EVA1C: variants seen among roughly 807,000 people sequenced by gnomAD.
EVA1C encodes the protein protein eva-1 homolog C.
In EVA1C, 25 loss-of-function variants were observed where a neutral mutation model predicts 45.4. That is an observed-to-expected ratio of 0.55 (90% CI 0.40 to 0.77). The LOEUF is 0.77. Among genes scored for constraint, EVA1C ranks in the 30% least tolerant of loss-of-function variants. The pLI, the probability that EVA1C is intolerant of heterozygous loss-of-function variation, is 0.00. For missense variants in EVA1C, 479 were observed against 554.8 expected (o/e 0.86, Z 1.37); for synonymous variants, 190 against 221.2 (o/e 0.86, Z 1.25).
At chr21:32,501,252 G>A (rs1410574582) in intron 5 of EVA1C, among the ~76,000 whole-genome samples, 163 bp from the exon 6 acceptor site, 1 of 152,118 alleles carries the variant, frequency 6.6e-6, no homozygotes, top group Non-Finnish European at 1.5e-5. Flanking sequence ...GATACCATGG[G>A]TTTGTGTGTA....
chr21:32,414,022 G>A (rs2033936672), intron 1 of EVA1C, among the ~76,000 whole-genome samples: 1 of 152,258 alleles, frequency 6.6e-6, no homozygotes, highest in Non-Finnish European at 1.5e-5. Context: ...AGTCCTGTTT[G>A]TGCAGTAGGC....
At chr21:32,476,143 CT>C (rs566574081) in intron 4 of EVA1C, among the ~76,000 whole-genome samples, 65 of 148,928 alleles carry the variant, frequency 4.4e-4, no homozygotes, top group African/African-American at 8.6e-4. Flanking sequence ...GCTTTTGCCT[CT>C]TTTTTTTTTC....
At chr21:32,502,203 A>G (rs1341357444) in intron 6 of EVA1C, among the ~76,000 whole-genome samples, 6 of 151,782 alleles carry the variant, frequency 4.0e-5, no homozygotes, top group Non-Finnish European at 5.9e-5. Flanking sequence ...GGTTCAAGCG[A>G]TTCTCCTGCC....
intron 7 of EVA1C, among the ~76,000 whole-genome samples, chr21:32,505,249 A>G (rs2037688804): frequency 6.6e-6 from 1 of 152,146 alleles, no homozygotes; most frequent in Non-Finnish European, 1.5e-5. Context: ...CTCCTGCGTC[A>G]GGATTCCTCC....
intron 4 of EVA1C, among the ~76,000 whole-genome samples, chr21:32,470,138 T>C (rs1476331517): frequency 6.6e-6 from 1 of 152,198 alleles, no homozygotes; most frequent in Admixed American, 6.5e-5. Flanking sequence ...AATGTATGTG[T>C]GGATCGCAGG....
chr21:32,479,857 T>C (rs539111406), intron 4 of EVA1C, among the ~76,000 whole-genome samples: 24 of 151,860 alleles, frequency 1.6e-4, no homozygotes, highest in South Asian at 6.2e-4. Flanking sequence ...CTTTTTTTTT[T>C]TTCTTCTTCT....
chr21:32,420,366 T>C (rs1186921212), intron 1 of EVA1C, among the ~76,000 whole-genome samples: 1 of 152,086 alleles, frequency 6.6e-6, no homozygotes, highest in Non-Finnish European at 1.5e-5. Context: ...CGAGACCCTG[T>C]CTCAAGAAAA....
At position 32,452,404 on chromosome 21, in the gene EVA1C, AG is replaced by A. The variant is rs2035614728; in HGVS notation, c.161-903del. The A allele has an allele frequency of 6.6e-6, 1 of 152,152 alleles. No homozygotes were observed. Among genetic ancestry groups the A allele is most frequent in the African/African-American group, 2.4e-5 (1 of 41,424 alleles). 9.4% of individuals were successfully genotyped at this position (152,152 alleles called of 1,614,324 possible). ...AGTACCCTGCTGCTCAAACCCCTAG[AG>A]GGGGCATGCAGATGGACAGGTCGTG... On this transcript the variant is annotated intron_variant, in intron 1 of 7. Coordinates refer to ENST00000300255, the MANE Select transcript of EVA1C (RefSeq NM_058187.5). This position sits in a 1 kb window ranked among gnomAD's most constrained non-coding sequence, Gnocchi z 4.0.
chr21:32,419,321 C>G (rs1390384741), intron 1 of EVA1C, among the ~76,000 whole-genome samples: 1 of 152,140 alleles, frequency 6.6e-6, no homozygotes, highest in Admixed American at 6.5e-5. Flanking sequence ...CCTCGTTACC[C>G]ACCCCTATTG....
intron 5 of EVA1C, among the ~76,000 whole-genome samples, chr21:32,499,653 G>C (rs2037466573): frequency 6.6e-6 from 1 of 152,226 alleles, no homozygotes; most frequent in Non-Finnish European, 1.5e-5. Context: ...TAAAAAAGCA[G>C]TGCAATTGAA....
chr21:32,420,837 T>C (rs1396540249), intron 1 of EVA1C, among the ~76,000 whole-genome samples: 2 of 152,226 alleles, frequency 1.3e-5, no homozygotes, highest in African/African-American at 4.8e-5. Flanking sequence ...CAAAGAGCAA[T>C]TTAGTAACTT....
chr21:32,481,963 C>T (rs934462792), intron 4 of EVA1C, among the ~76,000 whole-genome samples: 9 of 152,176 alleles, frequency 5.9e-5, no homozygotes, highest in African/African-American at 2.2e-4. Flanking sequence ...TCTAAATTGA[C>T]GAAGTCCCAA....
At chr21:32,478,040 G>A (rs1429947864) in intron 4 of EVA1C, among the ~76,000 whole-genome samples, 2 of 147,302 alleles carry the variant, frequency 1.4e-5, no homozygotes, top group African/African-American at 5.0e-5. Flanking sequence ...GTTCACGGTG[G>A]GAGGAGGCTG....
chr21:32,501,996 CT>C (rs1568949573), intron 6 of EVA1C, among the ~76,000 whole-genome samples: 58 of 25,442 alleles, frequency 2.3e-3, no homozygotes, highest in Non-Finnish European at 4.5e-3. Context: ...TTCTTTCTTT[CT>C]TTCTTTCTTT....
intron 1 of EVA1C, among the ~76,000 whole-genome samples, chr21:32,430,713 C>T (rs548739859): frequency 1.3e-5 from 2 of 152,220 alleles, no homozygotes; most frequent in Admixed American, 6.5e-5. Flanking sequence ...TGGCTCACAC[C>T]TCTAATCACA....
At chr21:32,427,426 A>G (rs1380171898) in intron 1 of EVA1C, among the ~76,000 whole-genome samples, 1 of 152,242 alleles carries the variant, frequency 6.6e-6, no homozygotes, top group African/African-American at 2.4e-5. Flanking sequence ...TGTTAAAAAT[A>G]GGCAGAGGCC....
Position 32,474,056 on chromosome 21 carries a change from T to A in EVA1C, c.634+6208T>A. 2 of 563,896 alleles carry A rather than the reference T, an allele frequency of 3.5e-6. No individual in the cohort carries two copies. The highest frequency in any genetic ancestry group is 4.5e-6 in the Non-Finnish European group (2 of 444,988). The allele number at this position is 563,896 out of a possible 1,614,324, so 34.9% of individuals were successfully genotyped here. ...AATTCTCTCACCTCAGCCTCCTGAGTAGCTGGGACTACAGGTGCATGCCAC... is the reference window on the plus strand; with the variant it reads ...AATTCTCTCACCTCAGCCTCCTGAGAAGCTGGGACTACAGGTGCATGCCAC... On this transcript the variant is annotated intron_variant, in intron 4 of 7. Coordinates refer to ENST00000300255, the MANE Select transcript of EVA1C (RefSeq NM_058187.5). This position sits in a 1 kb window ranked among gnomAD's most constrained non-coding sequence, Gnocchi z 4.4.
At chr21:32,496,547 T>C (rs1358916260) in intron 5 of EVA1C, among the ~76,000 whole-genome samples, 1 of 152,232 alleles carries the variant, frequency 6.6e-6, no homozygotes, top group Non-Finnish European at 1.5e-5. Context: ...TAAGCAACTC[T>C]AAGTAGCATG....
At chr21:32,439,100 C>T (rs1228252445) in intron 1 of EVA1C, among the ~76,000 whole-genome samples, 1 of 151,666 alleles carries the variant, frequency 6.6e-6, no homozygotes, top group African/African-American at 2.4e-5. Flanking sequence ...ATTAGCCAGG[C>T]GTGGTGGCCC....
Sources: gnomAD v4.1 joint callset for allele counts (sites outside exome capture counted in the v4.1 genomes callset) on GRCh38, gnomAD v4.1.1 for gene constraint, Gnocchi (gnomAD v3.1) non-coding constraint, MANE v1.5 for transcripts, NCBI Gene and HGNC (gene_info 2026-07-23, HGNC 2026-07-21) for gene names.